Variants in LPP observed in about 807,000 individuals in gnomAD.
The protein encoded by LPP is lipoma-preferred partner.
A neutral mutation model predicts 60.4 loss-of-function variants in LPP; 38 were observed. The observed-to-expected ratio is 0.63, with a 90% CI of 0.49 to 0.83. The LOEUF (loss-of-function observed/expected upper bound fraction) is 0.83, where lower values mean the gene tolerates loss of function less well. Among genes scored for constraint, LPP ranks in the 40% least tolerant of loss-of-function variants. The probability of loss-of-function intolerance (pLI) is 0.00; values close to 1 mark genes in which losing one functional copy is unlikely to be tolerated. For missense variants in LPP, 902 were observed against 783.6 expected, an observed-to-expected ratio of 1.15 and a Z score of -1.80; for synonymous variants, 328 against 290.8, an observed-to-expected ratio of 1.13 and a Z score of -1.30.
intron 9 of LPP, among the ~76,000 whole-genome samples, chr3:188,796,912 A>C (rs1745527826): frequency 6.6e-6 from 1 of 152,050 alleles, no homozygotes; most frequent in South Asian, 2.1e-4. Context: ...TATCCTTCTG[A>C]TTGAACCAGA....
intron 6 of LPP, among the ~76,000 whole-genome samples, chr3:188,574,929 T>C (rs1303780392): frequency 1.3e-5 from 2 of 152,130 alleles, no homozygotes; most frequent in African/African-American, 4.8e-5. Flanking sequence ...CCCCTTTTTT[T>C]CATCACTGTT....
Position 188,883,419 on chromosome 3 carries a change from G to GT in LPP, c.*8942dup. ...ACAGTACACCCCTTTTATCTGACTT[G>GT]TTGATAATGACCTTAAAAATGTTAG... On this transcript the variant is annotated 3_prime_UTR_variant, in exon 12 of 12. Transcript: ENST00000617246. 1 of 204,132 alleles carries GT rather than the reference G, an allele frequency of 4.9e-6. No individual in the cohort carries two copies. Among genetic ancestry groups the GT allele is most frequent in the East Asian group, 7.4e-5 (1 of 13,594 alleles). 12.6% of individuals were successfully genotyped at this position (204,132 alleles called of 1,614,324 possible).
chr3:188,610,446 T>C lies in LPP; in HGVS notation c.1113+602T>C, dbSNP rs1843455321. On this transcript the variant is annotated intron_variant, in intron 7 of 11. Transcript: ENST00000617246. This position sits in a 1 kb window ranked among gnomAD's most constrained non-coding sequence, Gnocchi z 4.4. The stretch of plus-strand genomic sequence containing the variant: ...CCAAGCAGGTCTAAGATAATGCAAA[T>C]GCCTTGGACAGTTTCTCCTTTGAGA... Among the ~76,000 whole-genome samples, 1 of 152,238 alleles carries C rather than the reference T, an allele frequency of 6.6e-6. No homozygotes were observed. Among genetic ancestry groups the C allele is most frequent in the Non-Finnish European group, 1.5e-5 (1 of 68,040 alleles).
rs1769589929 is a variant in LPP at position 188,878,916 on chromosome 3, A to G, written c.*4437A>G. 4.4e-6 allele frequency: 1 copy of G among 225,152 alleles called. No individual in the cohort carries two copies. Among genetic ancestry groups the G allele is most frequent in the East Asian group, 6.5e-5 (1 of 15,480 alleles). The allele number at this position is 225,152 out of a possible 1,614,324, so 13.9% of individuals were successfully genotyped here. On this transcript the variant is annotated 3_prime_UTR_variant, in exon 12 of 12. Coordinates refer to ENST00000617246, the MANE Select transcript of LPP (RefSeq NM_001375462.1). ...TTTATGCCAGAAGGTGATATAATGGATGTTAGTGTTTTTTATTTGATTTTA... is the reference window on the plus strand; with the variant it reads ...TTTATGCCAGAAGGTGATATAATGGGTGTTAGTGTTTTTTATTTGATTTTA...
intron 7 of LPP, among the ~76,000 whole-genome samples, chr3:188,685,756 A>G (rs1860568362): frequency 6.6e-6 from 1 of 151,966 alleles, no homozygotes. Context: ...AATTCAATCC[A>G]TTTGCCTTAA....
At chr3:188,831,588 C>A (rs1045735817) in intron 9 of LPP, among the ~76,000 whole-genome samples, 1 of 152,232 alleles carries the variant, frequency 6.6e-6, no homozygotes, top group African/African-American at 2.4e-5. Context: ...CCTGGCCACC[C>A]AGGCTCTTTC....
chr3:188,243,005 A>G (rs1725533569), intron 2 of LPP, among the ~76,000 whole-genome samples: 1 of 152,208 alleles, frequency 6.6e-6, no homozygotes, highest in African/African-American at 2.4e-5. Flanking sequence ...GATACTTGCT[A>G]TATTGTTTAG....
chr3:188,198,477 G>A (rs1348251365), intron 1 of LPP, among the ~76,000 whole-genome samples: 1 of 152,216 alleles, frequency 6.6e-6, no homozygotes, highest in Non-Finnish European at 1.5e-5. Context: ...GTCAGCTGAA[G>A]GGTATGGTGG....
intron 2 of LPP, among the ~76,000 whole-genome samples, chr3:188,300,411 C>T (rs1749403364): frequency 6.7e-6 from 1 of 149,416 alleles, no homozygotes; most frequent in South Asian, 2.1e-4. Flanking sequence ...AGCTGCTTAC[C>T]AAGAAAGGAA....
intron 7 of LPP, among the ~76,000 whole-genome samples, chr3:188,686,070 A>T (rs927141122): frequency 1.4e-4 from 21 of 152,172 alleles, no homozygotes; most frequent in African/African-American, 5.1e-4. Flanking sequence ...CTCTAATCCC[A>T]GATTTCCTCC....
At chr3:188,697,098 T>C (rs538802872) in intron 7 of LPP, among the ~76,000 whole-genome samples, 3 of 152,336 alleles carry the variant, frequency 2.0e-5, no homozygotes, top group East Asian at 3.9e-4. Context: ...TTAGGCACTT[T>C]GTCTGCCTCC....
chr3:188,640,551 A>T (rs1442652017), intron 7 of LPP, among the ~76,000 whole-genome samples: 1 of 128,606 alleles, frequency 7.8e-6, no homozygotes, highest in Non-Finnish European at 1.6e-5. Context: ...GTTTGGGACG[A>T]AAAAAAAAAA....
At chr3:188,288,450 G>A (rs1744726681) in intron 2 of LPP, among the ~76,000 whole-genome samples, 1 of 152,104 alleles carries the variant, frequency 6.6e-6, no homozygotes, top group Admixed American at 6.5e-5. Context: ...TTCCAGATGA[G>A]GCAGTTGAGT....
intron 9 of LPP, among the ~76,000 whole-genome samples, chr3:188,830,613 A>C (rs1756903949): frequency 1.4e-5 from 2 of 147,662 alleles, no homozygotes; most frequent in Admixed American, 6.8e-5. Flanking sequence ...TCAAAAAACA[A>C]AAAAAAAAAT....
chr3:188,449,673 G>T (rs571031592), intron 4 of LPP, among the ~76,000 whole-genome samples: 1 of 152,010 alleles, frequency 6.6e-6, no homozygotes, highest in Non-Finnish European at 1.5e-5. Context: ...CTCACTCTTC[G>T]CTACTTTGTC....
At chr3:188,873,340 C>A (rs1190836115) in intron 11 of LPP, among the ~76,000 whole-genome samples, 9 of 152,192 alleles carry the variant, frequency 5.9e-5, no homozygotes, top group African/African-American at 1.9e-4. Context: ...ACTCCATTGA[C>A]CTCCTTGCCA....
At chr3:188,491,593 C>A (rs756691384) in intron 5 of LPP, among the ~76,000 whole-genome samples, 4 of 152,164 alleles carry the variant, frequency 2.6e-5, no homozygotes, top group Non-Finnish European at 5.9e-5. Flanking sequence ...ATAGCAGCAG[C>A]AGCTTGCTTT....
At chr3:188,483,109 C>T (rs1974968) in intron 4 of LPP, among the ~76,000 whole-genome samples, 116,784 of 152,112 alleles carry the variant, frequency 0.77, 45,083 homozygotes, top group Non-Finnish European at 0.81. Flanking sequence ...TGGCATGGTG[C>T]GAGTCTAGTA....
intron 5 of LPP, among the ~76,000 whole-genome samples, chr3:188,507,321 A>T (rs1358992363): frequency 2.6e-5 from 4 of 152,058 alleles, no homozygotes; most frequent in African/African-American, 9.7e-5. Context: ...GGGAGAGGAA[A>T]TGGGAGAGGA....
Sources: gnomAD v4.1 joint callset for allele counts (sites outside exome capture counted in the v4.1 genomes callset) on GRCh38, gnomAD v4.1.1 for gene constraint, Gnocchi (gnomAD v3.1) non-coding constraint, MANE v1.5 for transcripts, NCBI Gene and HGNC (gene_info 2026-07-23, HGNC 2026-07-21) for gene names.